The following ZNF33B variants were observed in gnomAD, a reference collection of about 807,000 sequenced individuals.
The protein encoded by ZNF33B is zinc finger protein 33B, also known as zinc finger protein 11b (KOX 2).
Under a neutral mutation model 45.8 loss-of-function variants are expected in ZNF33B, and 29 were observed. The observed-to-expected ratio is 0.63, with a 90% confidence interval of 0.47 to 0.86. The LOEUF (loss-of-function observed/expected upper bound fraction) is 0.86. Among genes scored for constraint, ZNF33B ranks in the 40% least tolerant of loss-of-function variants. The pLI is 0.00. For synonymous variants in ZNF33B, 305 were observed against 307.8 expected (o/e 0.99, Z 0.10); for missense variants, 831 against 909.9 (o/e 0.91, Z 1.12).
In ZNF33B at chr10:42,632,435, T is replaced by A; in HGVS notation, c.14A>T (p.Asp5Val). 1.2e-6 allele frequency: 2 copies of A among 1,613,278 alleles called. No individual in the cohort carries two copies. Among genetic ancestry groups the A allele is most frequent in the Non-Finnish European group, 1.7e-6 (2 of 1,179,844 alleles). Reference protein sequence around the residue: MNKVDQKFQGSVSFK... With the variant: MNKVVQKFQGSVSFK... ...TGATACTGACCCCTGGAACTTCTGA[T>A]CTACCTGAAATGTTCAGAATTAGGT... is the stretch of plus-strand genomic sequence containing the variant. Residue 5 changes from aspartate to valine, a missense_variant, in exon 3 of 5, where the codon GAT (aspartate) becomes GTT (valine). Coordinates refer to ENST00000359467, the MANE Select transcript of ZNF33B (RefSeq NM_006955.3).
intron 4 of ZNF33B, 26 bp from the exon 5 acceptor site, chr10:42,594,725 C>G (rs1338884821): frequency 6.6e-7 from 1 of 1,524,820 alleles, no homozygotes; most frequent in Non-Finnish European, 8.7e-7. Flanking sequence ...ATTAATCTTA[C>G]CATATAAATA....
In ZNF33B at chr10:42,636,989, G is replaced by C; in HGVS notation, c.-44-17C>G. Reference sequence around the variant, plus strand: ...AAGATACAGCTGAGTTGGAAAAAGAGGAATGGGGTCATGAAAGATTTGGCC... The same window carrying C: ...AAGATACAGCTGAGTTGGAAAAAGACGAATGGGGTCATGAAAGATTTGGCC... On this transcript the variant is annotated splice_polypyrimidine_tract_variant and intron_variant, in intron 1 of 4. Coordinates refer to ENST00000359467, the MANE Select transcript of ZNF33B (RefSeq NM_006955.3). 6.2e-7 allele frequency: 1 copy of C among 1,612,988 alleles called. No homozygotes were observed. The highest frequency in any genetic ancestry group is 1.7e-5 in the Admixed American group (1 of 59,754).
At chr10:42,584,766 C>G (rs1273281436), downstream of ZNF33B, among the ~76,000 whole-genome samples, 1 of 152,172 alleles carries the variant, frequency 6.6e-6, no homozygotes, top group Non-Finnish European at 1.5e-5. Context: ...GGCGATCCAC[C>G]CACCTTGGCC....
Position 42,593,866 on chromosome 10 carries a change from A to AT in ZNF33B, c.1083dup (p.Cys362MetfsTer13). 6.2e-7 allele frequency: 1 copy of AT among 1,614,058 alleles called. No individual in the cohort carries two copies. The highest frequency in any genetic ancestry group is 1.3e-5 in the African/African-American group (1 of 75,022). On this transcript the variant is annotated frameshift_variant, in exon 5 of 5. Coordinates refer to ENST00000359467, the MANE Select transcript of ZNF33B (RefSeq NM_006955.3). LOFTEE classifies it low-confidence loss of function (END_TRUNC). Reference sequence around the variant, plus strand: ...GACTTCTCCCAGAAAGTTTTTCCACATTGATTACATTGAAAGTGTTTCTCT... The same window carrying AT: ...GACTTCTCCCAGAAAGTTTTTCCACATTTGATTACATTGAAAGTGTTTCTCT...
downstream of ZNF33B, among the ~76,000 whole-genome samples, chr10:42,587,246 C>A (rs1342572852): frequency 1.3e-5 from 2 of 152,184 alleles, no homozygotes; most frequent in Admixed American, 1.3e-4. Context: ...CTTGCCCAAG[C>A]TGGAGTGCAG....
At chr10:42,602,705 G>C (rs570880794) in intron 4 of ZNF33B, among the ~76,000 whole-genome samples, 1 of 152,296 alleles carries the variant, frequency 6.6e-6, no homozygotes, top group South Asian at 2.1e-4. Context: ...ACGGAGAAAA[G>C]ACCTTTCTGA....
At chr10:42,606,011 T>C (rs1056430026) in intron 4 of ZNF33B, among the ~76,000 whole-genome samples, 2 of 152,032 alleles carry the variant, frequency 1.3e-5, no homozygotes, top group Non-Finnish European at 2.9e-5. Flanking sequence ...GGTGGGAGTA[T>C]TGTTTGAGTC....
chr10:42,595,523 C>A (rs539671617), intron 4 of ZNF33B, among the ~76,000 whole-genome samples: 5 of 152,150 alleles, frequency 3.3e-5, no homozygotes, highest in African/African-American at 9.6e-5. Context: ...ACTGTGCCCC[C>A]CAAAAATGTG....
chr10:42,585,327 C>A (rs1836910963), downstream of ZNF33B, among the ~76,000 whole-genome samples: 2 of 152,168 alleles, frequency 1.3e-5, no homozygotes, highest in Admixed American at 6.6e-5. Context: ...ACATCCTGGG[C>A]AGTCTGGACA....
intron 4 of ZNF33B, among the ~76,000 whole-genome samples, chr10:42,614,640 A>G (rs999750261): frequency 1.3e-5 from 2 of 152,170 alleles, no homozygotes; most frequent in Admixed American, 1.3e-4. Flanking sequence ...ATACATAAAT[A>G]GCCAACAGGT....
chr10:42,637,783 G>T (rs1317825846), intron 1 of ZNF33B, among the ~76,000 whole-genome samples: 2 of 152,054 alleles, frequency 1.3e-5, no homozygotes, highest in East Asian at 1.9e-4. Context: ...TGCCTCAGTA[G>T]CTGGGATTAC....
At chr10:42,617,916 C>T (rs747680620) in intron 4 of ZNF33B, among the ~76,000 whole-genome samples, 7 of 152,120 alleles carry the variant, frequency 4.6e-5, no homozygotes, top group Non-Finnish European at 8.8e-5. Flanking sequence ...TAGGTGGTCC[C>T]TCCCTCAATG....
Position 42,593,210 on chromosome 10 carries a change from G to T in ZNF33B, c.1740C>A (p.Pro580=), listed in dbSNP as rs1446809825. 1.2e-6 allele frequency: 2 copies of T among 1,613,612 alleles called. No individual in the cohort carries two copies. Among genetic ancestry groups the T allele is most frequent in the South Asian group, 1.1e-5 (1 of 91,074 alleles). Residue 580 remains proline, a synonymous_variant, in exon 5 of 5, where the codon CCC becomes CCA. Coordinates refer to ENST00000359467, the MANE Select transcript of ZNF33B (RefSeq NM_006955.3). Reference sequence around the variant, plus strand: ...TTTTTCCACATTCATGACATTCATAGGGTTTCTCCCCCGTGTGTGTTCTAT... The same window carrying T: ...TTTTTCCACATTCATGACATTCATATGGTTTCTCCCCCGTGTGTGTTCTAT... ...QHYRTHTGEK[P]YECHECGKIF...
At chr10:42,616,039 C>A (rs1838299088) in intron 4 of ZNF33B, among the ~76,000 whole-genome samples, 2 of 151,978 alleles carry the variant, frequency 1.3e-5, no homozygotes, top group Non-Finnish European at 2.9e-5. Context: ...GCCTGGCCAA[C>A]ATGGTGAAAA....
chr10:42,604,163 G>A (rs1020137956), intron 4 of ZNF33B, among the ~76,000 whole-genome samples: 13 of 152,224 alleles, frequency 8.5e-5, no homozygotes, highest in Non-Finnish European at 1.5e-4. Context: ...AATATGTTCA[G>A]GCCAGGTGCA....
intron 4 of ZNF33B, among the ~76,000 whole-genome samples, chr10:42,619,301 C>A (rs1838469897): frequency 6.6e-6 from 1 of 152,164 alleles, no homozygotes; most frequent in Non-Finnish European, 1.5e-5. Context: ...GAGCTCATAT[C>A]TCCGCAGAAA....
chr10:42,624,469 C>T (rs765674656), intron 4 of ZNF33B, among the ~76,000 whole-genome samples: 9 of 152,282 alleles, frequency 5.9e-5, no homozygotes, highest in East Asian at 5.8e-4. Context: ...CATTCCAAGA[C>T]GCCCAGTGGA....
intron 2 of ZNF33B, among the ~76,000 whole-genome samples, chr10:42,636,205 T>C (rs1839293789): frequency 1.3e-5 from 2 of 152,162 alleles, no homozygotes; most frequent in African/African-American, 2.4e-5. Context: ...CAAAAGAAAA[T>C]TGGAACCTGT....
chr10:42,577,361 G>C (rs1021389325), intron 1 of ZNF33B, among the ~76,000 whole-genome samples: 12 of 151,984 alleles, frequency 7.9e-5, no homozygotes, highest in Non-Finnish European at 1.6e-4. Context: ...CCTTATCTCT[G>C]ATTCACAATT....
Sources: gnomAD v4.1 joint callset for allele counts (sites outside exome capture counted in the v4.1 genomes callset) on GRCh38, gnomAD v4.1.1 for gene constraint, MANE v1.5 for transcripts, NCBI Gene and HGNC (gene_info 2026-07-23, HGNC 2026-07-21) for gene names.